SORL1: variants seen among roughly 807,000 people sequenced by gnomAD.
SORL1 encodes the protein sortilin related receptor 1, also known as sortilin-related receptor.
Under a neutral mutation model 273.7 loss-of-function variants are expected in SORL1, and 127 were observed. The ratio of observed to expected loss-of-function variants is 0.46; its 90% CI spans 0.40 to 0.54. The LOEUF is 0.54. SORL1 is among the 20% of genes least tolerant of loss of function. SORL1 has a pLI of 0.00. For missense variants in SORL1, 2,494 were observed against 2,846.1 expected, an observed-to-expected ratio of 0.88 and a Z score of 2.81; for synonymous variants, 1,031 against 1,067.4, an observed-to-expected ratio of 0.97 and a Z score of 0.66.
intron 30 of SORL1, chr11:121,590,612 C>G: frequency 1.7e-6 from 1 of 593,066 alleles, no homozygotes; most frequent in South Asian, 2.0e-5. Context: ...CTGGCATTCT[C>G]ATCTCTGAAC....
chr11:121,590,988 G>C lies in SORL1; in HGVS notation c.4214-13G>C. ...CTAATGTTTTGGGTTTCCGTGCTTG[G>C]TGTTTTTCTCAGATTCACATATTCT... On this transcript the variant is annotated splice_polypyrimidine_tract_variant and intron_variant, in intron 30 of 47. Transcript: ENST00000260197. 1 of 1,614,200 alleles carries C rather than the reference G, an allele frequency of 6.2e-7. No homozygotes were observed. The highest frequency in any genetic ancestry group is 8.5e-7 in the Non-Finnish European group (1 of 1,180,016).
intron 21 of SORL1, among the ~76,000 whole-genome samples, chr11:121,562,224 G>A (rs1429863988): frequency 2.6e-5 from 4 of 152,180 alleles, no homozygotes; most frequent in Non-Finnish European, 5.9e-5. Context: ...GAGCTGAGAA[G>A]CAAGATTCCT....
intron 3 of SORL1, 108 bp from the exon 4 acceptor site, chr11:121,487,924 G>T (rs777546663): frequency 9.5e-6 from 11 of 1,153,356 alleles, no homozygotes; most frequent in East Asian, 2.4e-5. Flanking sequence ...GTTGGTGCCA[G>T]CTGGCCCCTG....
Position 121,627,599 on chromosome 11 carries a change from G to A in SORL1, c.6409G>A (p.Ala2137Thr). The A allele has an allele frequency of 6.2e-7, 1 of 1,614,200 alleles. No individual in the cohort carries two copies. The highest frequency in any genetic ancestry group is 8.5e-7 in the Non-Finnish European group (1 of 1,180,038). Residue 2137 changes from alanine (A) to threonine (T), a missense_variant, in exon 47 of 48, where the codon GCT becomes ACT. Physicochemically the swap from Ala to Thr is moderately conservative, Grantham distance 58. This residue lies in a region of SORL1 where 1,609 missense variants were observed against 1,816.4 expected (regional missense o/e 0.89). Transcript: ENST00000260197. The surrounding 1 kb of genome is among the most constrained non-coding windows in gnomAD (Gnocchi z 4.9). ...GCAGGCTGCCAGATCTACGGATGTT[G>A]CTGCTGTGGTGGTGCCCATCTTATT... ...ATQAARSTDV[A>T]AVVVPILFLI... is the part of the protein sequence containing the mutation.
chr11:121,589,174 T>A (rs1357849907), intron 28 of SORL1, 85 bp from the exon 29 acceptor site: 2 of 1,489,168 alleles, frequency 1.3e-6, no homozygotes, highest in Admixed American at 1.7e-5. Flanking sequence ...TCACTGCTGT[T>A]CCCCCTTGCT....
chr11:121,628,647 T>G (rs1421590523), intron 47 of SORL1, among the ~76,000 whole-genome samples: 1 of 152,214 alleles, frequency 6.6e-6, no homozygotes, highest in Admixed American at 6.5e-5. Context: ...TTGAAATCTT[T>G]GCACAATGAA....
intron 6 of SORL1, among the ~76,000 whole-genome samples, chr11:121,508,562 GCC>G (rs1363891480): frequency 6.6e-6 from 1 of 152,188 alleles, no homozygotes; most frequent in Non-Finnish European, 1.5e-5. Flanking sequence ...CTTCCTGTGA[GCC>G]CCCAGACAGG....
At chr11:121,562,807 A>T (rs1223588436) in intron 21 of SORL1, among the ~76,000 whole-genome samples, 1 of 152,230 alleles carries the variant, frequency 6.6e-6, no homozygotes, top group East Asian at 1.9e-4. Context: ...ATCTGCTGTA[A>T]GAACGAACCT....
At chr11:121,569,971 G>A (rs147716018) in intron 22 of SORL1, among the ~76,000 whole-genome samples, 186 bp from the exon 23 acceptor site, 92 of 152,036 alleles carry the variant, frequency 6.1e-4, no homozygotes, top group Non-Finnish European at 1.0e-3. Context: ...TTCTCAGACC[G>A]GCCGACACTT....
chr11:121,590,583 A>G (rs894408178), intron 30 of SORL1: 1 of 576,252 alleles, frequency 1.7e-6, no homozygotes, highest in Non-Finnish European at 3.1e-6. Context: ...TGTGGAATGC[A>G]GACTTGCCCC....
chr11:121,471,140 G>T (rs563156147), intron 2 of SORL1, among the ~76,000 whole-genome samples: 1 of 152,278 alleles, frequency 6.6e-6, no homozygotes, highest in South Asian at 2.1e-4. Context: ...CATACTAATG[G>T]ATACTTGGTT....
At chr11:121,503,294 T>C (rs964539243) in intron 6 of SORL1, among the ~76,000 whole-genome samples, 2 of 152,142 alleles carry the variant, frequency 1.3e-5, no homozygotes, top group African/African-American at 4.8e-5. Context: ...CTTTAAGAGT[T>C]ATGTAGTTTT....
Position 121,522,928 on chromosome 11 carries a change from A to G in SORL1, c.1535A>G (p.Lys512Arg). 6.2e-7 allele frequency: 1 copy of G among 1,613,786 alleles called. No homozygotes were observed. The highest frequency in any genetic ancestry group is 8.5e-7 in the Non-Finnish European group (1 of 1,179,616). ...TCTTGCATTTTAGGCTCAGTGGGAA[A>G]GAACTTGGCTAGCAAGACAAACGTG... Reference protein sequence around the residue: ...GLIIATGSVGKNLASKTNVYI... With the variant: ...GLIIATGSVGRNLASKTNVYI... Residue 512 changes from lysine to arginine, a missense_variant, in exon 11 of 48, where the codon AAG (lysine) becomes AGG (arginine). This residue lies in a region of SORL1 where 710 missense variants were observed against 882.5 expected (regional missense o/e 0.80). Transcript: ENST00000260197.
At chr11:121,534,494 A>G (rs1358455921) in intron 12 of SORL1, among the ~76,000 whole-genome samples, 1 of 152,146 alleles carries the variant, frequency 6.6e-6, no homozygotes, top group Non-Finnish European at 1.5e-5. Flanking sequence ...GCATTCCTCT[A>G]TTTGTATAGG....
Position 121,570,274 on chromosome 11 carries a change from A to T in SORL1, c.3337+4A>T. On this transcript the variant is annotated splice_donor_region_variant and intron_variant, in intron 23 of 47. Transcript: ENST00000260197. ...ATGAGCGATGAGAGAAACTGCCGTG[A>T]GTCTTCTGGATTGGACGTTAAGCAC... The T allele has an allele frequency of 6.2e-7, 1 of 1,603,538 alleles. No homozygotes were observed. The highest frequency in any genetic ancestry group is 8.5e-7 in the Non-Finnish European group (1 of 1,170,398).
At chr11:121,473,603 C>T (rs2134786443) in intron 2 of SORL1, among the ~76,000 whole-genome samples, 1 of 152,332 alleles carries the variant, frequency 6.6e-6, no homozygotes, top group South Asian at 2.1e-4. Flanking sequence ...AGATCAGAAT[C>T]AACCAGGGGC....
chr11:121,539,618 T>A (rs1169745105), intron 12 of SORL1, among the ~76,000 whole-genome samples: 2 of 136,064 alleles, frequency 1.5e-5, no homozygotes, highest in African/African-American at 3.1e-5. Flanking sequence ...TTTTTTTCTA[T>A]TTTTTTTAGA....
intron 1 of SORL1, among the ~76,000 whole-genome samples, chr11:121,455,772 C>T (rs1375651505): frequency 6.6e-6 from 1 of 152,212 alleles, no homozygotes; most frequent in Non-Finnish European, 1.5e-5. Flanking sequence ...GCGGGTGGAT[C>T]ACTTGAGGTC....
chr11:121,497,764 T>A (rs1274786171), intron 6 of SORL1, among the ~76,000 whole-genome samples: 1 of 152,188 alleles, frequency 6.6e-6, no homozygotes, highest in Non-Finnish European at 1.5e-5. Flanking sequence ...GGGCTCTTAT[T>A]TCTGGGAGGC....
Sources: allele counts gnomAD v4.1 joint callset (sites outside exome capture counted in the v4.1 genomes callset), GRCh38; gene constraint gnomAD v4.1.1; regional missense constraint gnomAD v4.1.1; non-coding constraint Gnocchi (gnomAD v3.1); transcripts MANE v1.5; gene names NCBI Gene and HGNC (gene_info 2026-07-23, HGNC 2026-07-21).